KCNIP4: variants seen among roughly 807,000 people sequenced by gnomAD.
KCNIP4 encodes potassium voltage-gated channel interacting protein 4.
Under a neutral mutation model 34.0 loss-of-function variants are expected in KCNIP4, and 12 were observed. That is an observed-to-expected ratio of 0.35 (90% CI 0.23 to 0.57). The LOEUF (loss-of-function observed/expected upper bound fraction) is 0.57, where lower values mean the gene tolerates loss of function less well. KCNIP4 is among the 20% of genes least tolerant of loss of function. The probability of loss-of-function intolerance (pLI) is 0.83; values close to 1 mark genes in which losing one functional copy is unlikely to be tolerated. For synonymous variants in KCNIP4, 124 were observed against 102.2 expected (o/e 1.21, Z -1.29); for missense variants, 238 against 311.7 (o/e 0.76, Z 1.78).
At position 21,604,180 on chromosome 4, in the gene KCNIP4, C is replaced by T. The variant is rs117290255; in HGVS notation, c.61+344391G>A. 9.7e-4 allele frequency among the ~76,000 whole-genome samples: 148 copies of T among 152,090 alleles called. 1 individual carries two copies. The East Asian group carries it at 0.026, about 27-fold the overall frequency. ...CCTTCTATTACTACATATAATAGTG[C>T]TAATGAAATGGTAGTATCTATTGTT... is the stretch of plus-strand genomic sequence containing the variant. On this transcript the variant is annotated intron_variant, in intron 1 of 8. Coordinates refer to ENST00000382152, the MANE Select transcript of KCNIP4 (RefSeq NM_025221.6).
intron 1 of KCNIP4, among the ~76,000 whole-genome samples, chr4:21,728,497 C>A (rs189774621): frequency 1.4e-3 from 216 of 152,262 alleles, no homozygotes; most frequent in African/African-American, 4.9e-3. Context: ...TCTGCCCTTG[C>A]TGCCTTACAG....
At chr4:21,224,578 GTTTTTTTTTTTT>G (rs765906146) in intron 1 of KCNIP4, among the ~76,000 whole-genome samples, 59 of 44,902 alleles carry the variant, frequency 1.3e-3, no homozygotes, top group African/African-American at 5.2e-3. Context: ...TTTTTCAACT[GTTTTTTTTTTTT>G]TTTTTTTTTT....
chr4:21,825,715 G>A (rs1722641319), intron 1 of KCNIP4, among the ~76,000 whole-genome samples: 1 of 152,160 alleles, frequency 6.6e-6, no homozygotes, highest in Non-Finnish European at 1.5e-5. Context: ...TAAGAGCACT[G>A]TTCTGTGCCT....
intron 1 of KCNIP4, among the ~76,000 whole-genome samples, chr4:20,966,283 G>A (rs1222741594): frequency 6.6e-6 from 1 of 152,096 alleles, no homozygotes; most frequent in Non-Finnish European, 1.5e-5. Flanking sequence ...TTATTCATTA[G>A]AGAATTTCTG....
intron 1 of KCNIP4, among the ~76,000 whole-genome samples, chr4:21,868,991 G>A (rs1247491572): frequency 6.6e-6 from 1 of 152,178 alleles, no homozygotes; most frequent in Non-Finnish European, 1.5e-5. Context: ...ATAAGCCTGA[G>A]GAGAAGCACC....
intron 1 of KCNIP4, among the ~76,000 whole-genome samples, chr4:21,633,773 A>C (rs1239986761): frequency 6.6e-6 from 1 of 152,150 alleles, no homozygotes; most frequent in Non-Finnish European, 1.5e-5. Context: ...AGAAATTATT[A>C]ACATATTTAT....
chr4:21,385,841 C>A (rs1007418166), intron 1 of KCNIP4, among the ~76,000 whole-genome samples: 1 of 152,094 alleles, frequency 6.6e-6, no homozygotes, highest in Non-Finnish European at 1.5e-5. Context: ...GTCTATTGGA[C>A]AAATGAGTGT....
At chr4:20,863,117 T>C (rs1195488793) in intron 2 of KCNIP4, among the ~76,000 whole-genome samples, 1 of 152,104 alleles carries the variant, frequency 6.6e-6, no homozygotes, top group Non-Finnish European at 1.5e-5. Flanking sequence ...AAAAAATAAT[T>C]CATGCAAAGC....
chr4:21,693,844 T>G (rs1334396377), intron 1 of KCNIP4, among the ~76,000 whole-genome samples: 5 of 152,190 alleles, frequency 3.3e-5, no homozygotes, highest in Non-Finnish European at 4.4e-5. Flanking sequence ...ACAGAATTTT[T>G]GGGTTTAAAT....
intron 1 of KCNIP4, among the ~76,000 whole-genome samples, chr4:21,481,553 C>T (rs1731428925): frequency 1.3e-5 from 2 of 152,070 alleles, no homozygotes; most frequent in South Asian, 2.1e-4. Context: ...GGTGCAGTTT[C>T]GTGTGATATG....
chr4:21,902,828 C>T (rs148908447), intron 1 of KCNIP4, among the ~76,000 whole-genome samples: 4 of 152,144 alleles, frequency 2.6e-5, no homozygotes, highest in Admixed American at 6.6e-5. Flanking sequence ...TTCATAGAAG[C>T]GGGACTGCTG....
At chr4:21,258,728 CTG>C (rs970684776) in intron 1 of KCNIP4, among the ~76,000 whole-genome samples, 36 of 152,114 alleles carry the variant, frequency 2.4e-4, no homozygotes, top group African/African-American at 8.4e-4. Context: ...CCAATGTTAT[CTG>C]TCTCTCTTTA....
At chr4:20,881,012 A>G (rs879586561) in intron 2 of KCNIP4, among the ~76,000 whole-genome samples, 2 of 152,200 alleles carry the variant, frequency 1.3e-5, no homozygotes, top group Non-Finnish European at 2.9e-5. Flanking sequence ...TCCTCTCCCC[A>G]CAGAATATAA....
intron 2 of KCNIP4, among the ~76,000 whole-genome samples, chr4:20,874,906 G>A (rs533391339): frequency 6.6e-6 from 1 of 152,216 alleles, no homozygotes; most frequent in African/African-American, 2.4e-5. Context: ...AGTTTCTAAT[G>A]TTTCCCATGT....
At chr4:21,085,589 T>C (rs1170192083) in intron 1 of KCNIP4, among the ~76,000 whole-genome samples, 1 of 152,174 alleles carries the variant, frequency 6.6e-6, no homozygotes, top group Non-Finnish European at 1.5e-5. Context: ...AGCCAACAGA[T>C]GTCAATTCTG....
chr4:21,899,156 A>G (rs1727567713), intron 1 of KCNIP4, among the ~76,000 whole-genome samples: 1 of 152,226 alleles, frequency 6.6e-6, no homozygotes, highest in African/African-American at 2.4e-5. Flanking sequence ...AATGTGATAC[A>G]TAATGTCAAA....
chr4:21,362,186 C>G (rs907699518), intron 1 of KCNIP4, among the ~76,000 whole-genome samples: 1 of 152,124 alleles, frequency 6.6e-6, no homozygotes, highest in South Asian at 2.1e-4. Context: ...AAAATTCAAG[C>G]TGACATACTA....
chr4:21,280,610 C>T (rs539596057), intron 1 of KCNIP4, among the ~76,000 whole-genome samples: 2 of 152,264 alleles, frequency 1.3e-5, no homozygotes, highest in Admixed American at 1.3e-4. Flanking sequence ...TCATTATTTT[C>T]CCCAAAAGTC....
chr4:21,504,475 AAAAG>A (rs71191514), intron 1 of KCNIP4, among the ~76,000 whole-genome samples: 8,801 of 101,588 alleles, frequency 0.087, 475 homozygotes, highest in Non-Finnish European at 0.095. Context: ...CAAAAAAAAA[AAAAG>A]AAAGAAAGAA....
Sources: gnomAD v4.1 joint callset for allele counts (sites outside exome capture counted in the v4.1 genomes callset) on GRCh38, gnomAD v4.1.1 for gene constraint, MANE v1.5 for transcripts, NCBI Gene and HGNC (gene_info 2026-07-23, HGNC 2026-07-21) for gene names.